Variants in BRD2 observed in about 807,000 individuals in gnomAD.
The protein encoded by BRD2 is bromodomain-containing protein 2.
In BRD2, 15 loss-of-function variants were observed where a neutral mutation model predicts 79.1. The observed-to-expected ratio is 0.19, with a 90% CI of 0.13 to 0.29. The LOEUF is 0.29. BRD2 is among the 10% of genes least tolerant of loss of function. BRD2 has a pLI of 1.00. For synonymous variants in BRD2, 488 were observed against 358.6 expected, an observed-to-expected ratio of 1.36 and a Z score of -4.08; for missense variants, 1,053 against 991.3, an observed-to-expected ratio of 1.06 and a Z score of -0.84.
In BRD2 at chr6:32,971,853, C is replaced by T. The variant is rs778783142; in HGVS notation, c.-1046C>T. On this transcript the variant is annotated 5_prime_UTR_variant, in exon 2 of 13. Coordinates refer to ENST00000374825, the MANE Select transcript of BRD2 (RefSeq NM_005104.4). ...GGAGGCTCTGGGGCGATGGCTTCCG[C>T]ACCTCTTCCAACCACCCTCTTTCCC... 4 of 695,842 alleles carry T rather than the reference C, an allele frequency of 5.7e-6. No individual in the cohort carries two copies. The highest frequency in any genetic ancestry group is 1.8e-5 in the African/African-American group (1 of 57,034). 43.1% of individuals were successfully genotyped at this position (695,842 alleles called of 1,614,324 possible).
intron 3 of BRD2, chr6:32,974,980 G>A (rs1286511434): frequency 6.7e-7 from 1 of 1,489,348 alleles, no homozygotes; most frequent in Non-Finnish European, 9.0e-7. Flanking sequence ...TGCCCTCCAT[G>A]TGTCCTTCCT....
intron 7 of BRD2, chr6:32,977,207 A>G: frequency 2.0e-6 from 3 of 1,501,640 alleles, no homozygotes; most frequent in Non-Finnish European, 2.7e-6. Flanking sequence ...TATAGGGTGG[A>G]AAAACAGGCA....
At position 32,971,984 on chromosome 6, in the gene BRD2, G is replaced by C. The variant is rs577996758; in HGVS notation, c.-915G>C. The C allele has an allele frequency of 4.3e-6, 3 of 702,796 alleles. No homozygotes were observed. Among genetic ancestry groups the C allele is most frequent in the African/African-American group, 1.7e-5 (1 of 57,318 alleles). 43.5% of individuals were successfully genotyped at this position (702,796 alleles called of 1,614,324 possible). A position where few individuals can be genotyped will look rare whatever the true frequency, so the allele number is the denominator to read the frequency against. Reference sequence around the variant, plus strand: ...CTTCTGCCTGGTGACTGACACCTTGGAAATGAAGTTTATGACGTCATCGTT... The same window carrying C: ...CTTCTGCCTGGTGACTGACACCTTGCAAATGAAGTTTATGACGTCATCGTT... On this transcript the variant is annotated 5_prime_UTR_variant, in exon 2 of 13. Transcript: ENST00000374825.
chr6:32,975,660 C>G (rs1778643442), intron 4 of BRD2, 139 bp downstream of exon 4: 1 of 1,067,240 alleles, frequency 9.4e-7, no homozygotes, highest in Non-Finnish European at 1.4e-6. Flanking sequence ...GTCTTAAAAA[C>G]CTGACTCTAG....
intron 1 of BRD2, chr6:32,971,314 AGT>A (rs1777945031): frequency 3.0e-6 from 1 of 334,258 alleles, no homozygotes; most frequent in African/African-American, 2.1e-5. Flanking sequence ...TGTAGGTGTG[AGT>A]GGGGAGGGAT....
chr6:32,972,219 G>C lies in BRD2; in HGVS notation c.-680G>C, dbSNP rs1370974291. ...CGGCGCCATTTCGTGCTGGAGTGGA[G>C]CAGCCTCTAGAACGAGCTGGAGGAT... On this transcript the variant is annotated 5_prime_UTR_variant, in exon 2 of 13. Coordinates refer to ENST00000374825, the MANE Select transcript of BRD2 (RefSeq NM_005104.4). 1 of 519,508 alleles carries C rather than the reference G, an allele frequency of 1.9e-6. No individual in the cohort carries two copies. Among genetic ancestry groups the C allele is most frequent in the Non-Finnish European group, 3.5e-6 (1 of 284,134 alleles). 32.2% of individuals were successfully genotyped at this position (519,508 alleles called of 1,614,324 possible).
In BRD2 at chr6:32,978,287, C is replaced by T. The variant is rs1468123638; in HGVS notation, c.1740C>T (p.Arg580=). 1 of 1,613,034 alleles carries T rather than the reference C, an allele frequency of 6.2e-7. No individual in the cohort carries two copies. Among genetic ancestry groups the T allele is most frequent in the Non-Finnish European group, 8.5e-7 (1 of 1,180,012 alleles). The part of the protein sequence containing the change: ...DEDDKGPRAP[R]PPQPKKSKKA... ...ATGACAAGGGGCCTAGGGCACCCCGCCCACCTCAACCTAAGAAGTCCAAGA... is the reference window on the plus strand; with the variant it reads ...ATGACAAGGGGCCTAGGGCACCCCGTCCACCTCAACCTAAGAAGTCCAAGA... Residue 580 remains arginine (R), a synonymous_variant, in exon 10 of 13, where the codon CGC becomes CGT. Transcript: ENST00000374825.
rs1778606477 is a variant in BRD2 at position 32,975,399 on chromosome 6, A to G, written c.349A>G (p.Ile117Val). 6.2e-7 allele frequency: 1 copy of G among 1,607,204 alleles called. No homozygotes were observed. The highest frequency in any genetic ancestry group is 8.5e-7 in the Non-Finnish European group (1 of 1,175,708). ...TTTTATTTAGGATTATCACAAAATT[A>G]TAAAACAGCCTATGGACATGGGTAC... ...KLGLPDYHKI[I>V]KQPMDMGTIK... The change falls in exon 4 of 13, where the codon ATA becomes GTA. Residue 117 changes from isoleucine (I) to valine (V), a missense_variant. Ile to Val is a conservative substitution (Grantham distance 29). Coordinates refer to ENST00000374825, the MANE Select transcript of BRD2 (RefSeq NM_005104.4).
Position 32,980,047 on chromosome 6 carries a change from T to C in BRD2, c.2061T>C (p.Asp687=), listed in dbSNP as rs1188434659. The part of the protein sequence containing the change: ...RDSNPEEIEI[D]FETLKPSTLR... Reference sequence around the variant, plus strand: ...CAAACCCAGAAGAGATTGAGATTGATTTTGAAACACTCAAGCCATCCACAC... The same window carrying C: ...CAAACCCAGAAGAGATTGAGATTGACTTTGAAACACTCAAGCCATCCACAC... Residue 687 remains aspartate, a synonymous_variant, in exon 11 of 13, where the codon GAT becomes GAC. Transcript: ENST00000374825. 3 of 1,612,910 alleles carry C rather than the reference T, an allele frequency of 1.9e-6. No individual in the cohort carries two copies. Among genetic ancestry groups the C allele is most frequent in the Non-Finnish European group, 2.5e-6 (3 of 1,180,014 alleles).
At chr6:32,969,915 T>A (rs1390066150) in intron 1 of BRD2, among the ~76,000 whole-genome samples, 1 of 152,136 alleles carries the variant, frequency 6.6e-6, no homozygotes, top group Non-Finnish European at 1.5e-5. Context: ...GTTCTCTCCT[T>A]GTGTACTGCG....
chr6:32,974,766 G>GTGAGTAGAGACAT lies in BRD2; in HGVS notation c.333+4_333+16dup, dbSNP rs1778502497. On this transcript the variant is annotated splice_donor_variant, in intron 3 of 12. Transcript: ENST00000374825. LOFTEE classifies it high-confidence loss of function. ...GGATGCTGTCAAACTGGGTCTACCG[G>GTGAGTAGAGACAT]TGAGTAGAGACATTGGAGCCGGGGA... 1 of 1,612,992 alleles carries GTGAGTAGAGACAT rather than the reference G, an allele frequency of 6.2e-7. No individual in the cohort carries two copies.
At position 32,976,365 on chromosome 6, in the gene BRD2, C is replaced by A. The variant is rs141377590; in HGVS notation, c.726C>A (p.His242Gln). ...CTACCACTGTCCTCAACATTCCCCA[C>A]CCATCAGTCATTTCCTCTCCACTTC... Reference protein sequence around the residue: ...EIPTTVLNIPHPSVISSPLLK... With the variant: ...EIPTTVLNIPQPSVISSPLLK... The change falls in exon 6 of 13, where the codon CAC becomes CAA. Residue 242 changes from histidine to glutamine, a missense_variant. Physicochemically the swap from His to Gln is conservative, Grantham distance 24. Around this residue, in one of 5 missense-constraint regions of BRD2, gnomAD observed 413 missense variants for 335.1 expected, o/e 1.23. Transcript: ENST00000374825. The A allele has an allele frequency of 6.2e-7, 1 of 1,613,068 alleles. No individual in the cohort carries two copies. The highest frequency in any genetic ancestry group is 8.5e-7 in the Non-Finnish European group (1 of 1,180,036).
At position 32,972,546 on chromosome 6, in the gene BRD2, G is replaced by C. The variant is rs113542396; in HGVS notation, c.-353G>C. The C allele has an allele frequency of 2.3e-3, 902 of 393,046 alleles. 7 individuals carry two copies. The highest frequency in any genetic ancestry group is 0.016 in the African/African-American group (780 of 47,794). 24.3% of individuals were successfully genotyped at this position (393,046 alleles called of 1,614,324 possible). ...GACCTCGTCGGCCCCGTAGGGGCCCGACAAGAAGAGGGAATCCCTGCAGAC... is the reference window on the plus strand; with the variant it reads ...GACCTCGTCGGCCCCGTAGGGGCCCCACAAGAAGAGGGAATCCCTGCAGAC... On this transcript the variant is annotated 5_prime_UTR_variant, in exon 2 of 13. Coordinates refer to ENST00000374825, the MANE Select transcript of BRD2 (RefSeq NM_005104.4).
intron 2 of BRD2, 39 bp downstream of exon 2, chr6:32,972,966 C>A: frequency 6.2e-7 from 1 of 1,613,962 alleles, no homozygotes; most frequent in Admixed American, 1.7e-5. Context: ...GGGGATGTTG[C>A]AGGGCGGCGG....
rs983982952 is a variant in BRD2, at chr6:32,971,858, C to T, written c.-1041C>T. 7.2e-6 allele frequency: 5 copies of T among 698,766 alleles called. No homozygotes were observed. Among genetic ancestry groups the T allele is most frequent in the African/African-American group, 3.5e-5 (2 of 57,090 alleles). The allele number at this position is 698,766 out of a possible 1,614,324, so 43.3% of individuals were successfully genotyped here. A position where few individuals can be genotyped will look rare whatever the true frequency, so the allele number is the denominator to read the frequency against. On this transcript the variant is annotated 5_prime_UTR_variant, in exon 2 of 13. Transcript: ENST00000374825. Reference sequence around the variant, plus strand: ...CTCTGGGGCGATGGCTTCCGCACCTCTTCCAACCACCCTCTTTCCCTGGAG... The same window carrying T: ...CTCTGGGGCGATGGCTTCCGCACCTTTTCCAACCACCCTCTTTCCCTGGAG...
rs1779309163 is a variant in BRD2 at position 32,979,936 on chromosome 6, G to C, written c.1950G>C (p.Leu650=). The C allele has an allele frequency of 6.2e-7, 1 of 1,613,140 alleles. No individual in the cohort carries two copies. Among genetic ancestry groups the C allele is most frequent in the African/African-American group, 1.3e-5 (1 of 74,928 alleles). ...TGAGTTACGATGAGAAGCGGCAGCT[G>C]AGCCTGGACATCAACAAATTACCTG... ...RPMSYDEKRQ[L]SLDINKLPGE... is the part of the protein sequence containing the mutation. The change falls in exon 11 of 13, where the codon CTG becomes CTC. Residue 650 remains leucine, a synonymous_variant. Transcript: ENST00000374825.
At chr6:32,975,648 G>A in intron 4 of BRD2, 127 bp downstream of exon 4, 1 of 1,243,176 alleles carries the variant, frequency 8.0e-7, no homozygotes, top group Non-Finnish European at 1.1e-6. Context: ...AGGGTAGTCG[G>A]AGTCTTAAAA....
rs773530824 is a variant in BRD2, at chr6:32,974,411, C to T, written c.30-51C>T. ...TTCATCAGACTATTGTGCAGATGCA[C>T]TTTTTCCTCATTTGGACGATATTGC... On this transcript the variant is annotated intron_variant, in intron 2 of 12. Transcript: ENST00000374825. 3.8e-6 allele frequency: 6 copies of T among 1,560,528 alleles called. No individual in the cohort carries two copies. In the Admixed American group the frequency reaches 5.3e-5, roughly 14 times the overall value.
Position 32,972,845 on chromosome 6 carries a change from G to A in BRD2, c.-54G>A. 6.2e-7 allele frequency: 1 copy of A among 1,613,438 alleles called. No homozygotes were observed. Among genetic ancestry groups the A allele is most frequent in the Admixed American group, 1.7e-5 (1 of 60,020 alleles). ...GCTGGACCGGGCGGTGAGGGGAACCGAGGCCACCCGGACTTTCCGCGGCTG... is the reference window on the plus strand; with the variant it reads ...GCTGGACCGGGCGGTGAGGGGAACCAAGGCCACCCGGACTTTCCGCGGCTG... On this transcript the variant is annotated 5_prime_UTR_variant, in exon 2 of 13. Coordinates refer to ENST00000374825, the MANE Select transcript of BRD2 (RefSeq NM_005104.4).
Sources: gnomAD v4.1 joint callset for allele counts (sites outside exome capture counted in the v4.1 genomes callset) on GRCh38, gnomAD v4.1.1 for gene constraint, gnomAD v4.1.1 regional missense constraint, MANE v1.5 for transcripts, NCBI Gene and HGNC (gene_info 2026-07-23, HGNC 2026-07-21) for gene names.